The following COL4A4 variants were observed in gnomAD, a reference collection of about 807,000 sequenced individuals.
COL4A4 encodes the protein collagen type IV alpha 4 chain.
A neutral mutation model predicts 192.9 loss-of-function variants in COL4A4; 105 were observed. That is an observed-to-expected ratio of 0.54 (90% CI 0.46 to 0.64). The LOEUF (loss-of-function observed/expected upper bound fraction) is 0.64. COL4A4 is among the 30% of genes least tolerant of loss of function. The pLI is 0.00. For synonymous variants in COL4A4, 762 were observed against 769.9 expected (o/e 0.99, Z 0.17); for missense variants, 1,967 against 2,169.3 (o/e 0.91, Z 1.85).
At chr2:227,129,466 G>A (rs1325985761) in intron 4 of COL4A4, among the ~76,000 whole-genome samples, 2 of 148,904 alleles carry the variant, frequency 1.3e-5, no homozygotes, top group Non-Finnish European at 3.0e-5. Flanking sequence ...CTGGAGTACA[G>A]TGGTGCAATC....
At chr2:227,040,486 AAAAACCTC>A (rs1373641978) in intron 37 of COL4A4, among the ~76,000 whole-genome samples, 1 of 152,220 alleles carries the variant, frequency 6.6e-6, no homozygotes, top group Non-Finnish European at 1.5e-5. Context: ...GTTTGATGAG[AAAAACCTC>A]CAAACAAATG....
chr2:227,141,065 G>T (rs1377608479), intron 3 of COL4A4, among the ~76,000 whole-genome samples: 1 of 152,206 alleles, frequency 6.6e-6, no homozygotes, highest in Non-Finnish European at 1.5e-5. Flanking sequence ...TGATGCACCT[G>T]CAATGAACAT....
At chr2:227,067,340 T>A (rs897390080) in intron 25 of COL4A4, among the ~76,000 whole-genome samples, 2 of 152,104 alleles carry the variant, frequency 1.3e-5, no homozygotes, top group African/African-American at 4.8e-5. Context: ...TACACAGGAA[T>A]TGAACTCAGC....
chr2:227,100,133 G>A (rs2150754204), intron 17 of COL4A4, among the ~76,000 whole-genome samples: 1 of 152,250 alleles, frequency 6.6e-6, no homozygotes, highest in African/African-American at 2.4e-5. Flanking sequence ...ATGGCTTTAA[G>A]GGAACACAAT....
intron 4 of COL4A4, among the ~76,000 whole-genome samples, chr2:227,135,276 G>A (rs1188983621): frequency 6.6e-6 from 1 of 152,254 alleles, no homozygotes; most frequent in East Asian, 1.9e-4. Flanking sequence ...CATCCCAGGT[G>A]AGGGCTCTGA....
rs574599899 is a variant in COL4A4 at position 227,153,162 on chromosome 2, AC to A, written c.-101-5579del. ...CCACAAGAACAGTATGGGGCAAATC[AC>A]CCCCATTGATTCAATTATCTCCCAC... is the stretch of plus-strand genomic sequence containing the variant. On this transcript the variant is annotated intron_variant, in intron 1 of 47. Transcript: ENST00000396625. Among the ~76,000 whole-genome samples, 559 of 152,142 alleles carry A rather than the reference AC, an allele frequency of 3.7e-3. 5 individuals carry two copies. Among genetic ancestry groups the A allele is most frequent in the African/African-American group, 0.012 (490 of 41,500 alleles).
intron 4 of COL4A4, among the ~76,000 whole-genome samples, chr2:227,138,189 G>A (rs1276228084): frequency 6.6e-6 from 1 of 150,876 alleles, no homozygotes; most frequent in East Asian, 1.9e-4. Flanking sequence ...GTAGTGGCAT[G>A]TACCTGTAGG....
intron 4 of COL4A4, among the ~76,000 whole-genome samples, chr2:227,133,070 C>T (rs1341988216): frequency 6.6e-6 from 1 of 152,176 alleles, no homozygotes; most frequent in Non-Finnish European, 1.5e-5. Context: ...TATTTCTTGC[C>T]AATAACAAGT....
chr2:226,987,119 T>C, the COL4A4 span, among the ~76,000 whole-genome samples: 3 of 151,216 alleles, frequency 2.0e-5, no homozygotes, highest in African/African-American at 7.3e-5. Context: ...TAAGTGGGAG[T>C]TGAACAATGA....
intron 37 of COL4A4, among the ~76,000 whole-genome samples, chr2:227,035,529 CAAAA>C (rs112442514): frequency 5.6e-5 from 7 of 125,664 alleles, no homozygotes; most frequent in Admixed American, 1.7e-4. Context: ...TCTCGTGCAC[CAAAA>C]AAAAAAAAAA....
intron 14 of COL4A4, 94 bp downstream of exon 14, chr2:227,103,050 C>T (rs1240527248): frequency 8.3e-7 from 1 of 1,208,292 alleles, no homozygotes; most frequent in Non-Finnish European, 1.2e-6. Context: ...TATATTAGCA[C>T]TTAAAGCAAT....
At chr2:227,144,609 A>G (rs1197845447) in intron 2 of COL4A4, 51 bp from the exon 3 acceptor site, 3 of 1,415,822 alleles carry the variant, frequency 2.1e-6, no homozygotes, top group Non-Finnish European at 3.0e-6. Flanking sequence ...TTTTCATGTG[A>G]AACAAAAAGA....
At position 227,088,722 on chromosome 2, in the gene COL4A4, C is replaced by A; in HGVS notation, c.1554G>T (p.Gly518=). Residue 518 remains glycine, a synonymous_variant, in exon 22 of 48, where the codon GGG becomes GGT. Coordinates refer to ENST00000396625, the MANE Select transcript of COL4A4 (RefSeq NM_000092.5). ...PGRQGSKGDL[G]LPGWLGTKGD... Reference sequence around the variant, plus strand: ...CTTTTGTTCCAAGCCAGCCAGGGAGCCCCAAGTCTCCCTTACTCCCCTGCC... The same window carrying A: ...CTTTTGTTCCAAGCCAGCCAGGGAGACCCAAGTCTCCCTTACTCCCCTGCC... 6.2e-7 allele frequency: 1 copy of A among 1,614,106 alleles called. No individual in the cohort carries two copies. The highest frequency in any genetic ancestry group is 1.1e-5 in the South Asian group (1 of 91,076).
At chr2:226,994,826 C>G in the COL4A4 span, among the ~76,000 whole-genome samples, 1 of 152,176 alleles carries the variant, frequency 6.6e-6, no homozygotes, top group East Asian at 1.9e-4. Context: ...CTAAGAAACT[C>G]TTTTCAGTAA....
intron 42 of COL4A4, 113 bp downstream of exon 42, chr2:227,027,789 A>G: frequency 1.2e-6 from 1 of 825,322 alleles, no homozygotes; most frequent in Non-Finnish European, 2.1e-6. Context: ...AATATAAGAA[A>G]AGGGCTTAAA....
In COL4A4 at chr2:227,005,205, T is replaced by G. The variant is rs1043411618; in HGVS notation, c.*2120A>C. ...ATAATTTAGCCTGTCTTTGTGTGGG[T>G]TTTTTTTTTTTACTTATTTATTAAC... is the stretch of plus-strand genomic sequence containing the variant. On this transcript the variant is annotated 3_prime_UTR_variant, in exon 48 of 48. Transcript: ENST00000396625. The G allele has an allele frequency of 5.1e-5, 3 of 58,348 alleles. No homozygotes were observed. Among genetic ancestry groups the G allele is most frequent in the Admixed American group, 2.0e-4 (1 of 5,046 alleles). 3.6% of individuals were successfully genotyped at this position (58,348 alleles called of 1,614,324 possible). A position where few individuals can be genotyped will look rare whatever the true frequency, so the allele number is the denominator to read the frequency against.
the COL4A4 span, among the ~76,000 whole-genome samples, chr2:226,982,957 T>C: frequency 6.6e-6 from 1 of 152,196 alleles, no homozygotes; most frequent in African/African-American, 2.4e-5. Context: ...ACTTTTATCT[T>C]TTAAAATCTA....
chr2:227,113,420 CAA>C (rs1230505496), intron 8 of COL4A4, among the ~76,000 whole-genome samples: 1 of 151,968 alleles, frequency 6.6e-6, no homozygotes, highest in Non-Finnish European at 1.5e-5. Flanking sequence ...ACCACAATTA[CAA>C]AAAAATGCTC....
rs1451446971 is a variant in COL4A4 at position 227,032,284 on chromosome 2, G to A, written c.3578-8C>T. The stretch of plus-strand genomic sequence containing the variant: ...GCCCCACATCATGCAAACCTTAATG[G>A]GGAAAACAGAATTAATACTATATCT... On this transcript the variant is annotated splice_polypyrimidine_tract_variant and splice_region_variant and intron_variant, in intron 38 of 47. Transcript: ENST00000396625. 1 of 1,611,706 alleles carries A rather than the reference G, an allele frequency of 6.2e-7. No homozygotes were observed. The highest frequency in any genetic ancestry group is 8.5e-7 in the Non-Finnish European group (1 of 1,178,866).
Sources: gnomAD v4.1 joint callset for allele counts (sites outside exome capture counted in the v4.1 genomes callset) on GRCh38, gnomAD v4.1.1 for gene constraint, MANE v1.5 for transcripts, NCBI Gene and HGNC (gene_info 2026-07-23, HGNC 2026-07-21) for gene names.